Variants in SPAG16 observed in about 807,000 individuals in gnomAD.
SPAG16 encodes the protein sperm associated antigen 16, also known as sperm-associated antigen 16 protein.
Under a neutral mutation model 80.4 loss-of-function variants are expected in SPAG16, and 86 were observed. The ratio of observed to expected loss-of-function variants is 1.07; its 90% CI spans 0.90 to 1.28. The LOEUF is 1.28. Ranked by LOEUF, SPAG16 falls within the 50% of genes most tolerant of loss-of-function variation. SPAG16 has a pLI of 0.00. For missense variants in SPAG16, 870 were observed against 765.3 expected, an observed-to-expected ratio of 1.14 and a Z score of -1.61; for synonymous variants, 294 against 265.9, an observed-to-expected ratio of 1.11 and a Z score of -1.03.
chr2:214,090,953 G>T (rs780387900), intron 13 of SPAG16, among the ~76,000 whole-genome samples: 1 of 151,866 alleles, frequency 6.6e-6, no homozygotes, highest in African/African-American at 2.4e-5. Flanking sequence ...CCAAAATCTC[G>T]CCATACTGGA....
chr2:213,980,712 G>GTGTATATATATATATA lies in SPAG16; in HGVS notation c.1401-33238_1401-33237insGTATATATATATATAT, dbSNP rs1469351640. Among the ~76,000 whole-genome samples the GTGTATATATATATATA allele has an allele frequency of 1.1e-3, 128 of 113,890 alleles. 1 individual carries two copies. Among genetic ancestry groups the GTGTATATATATATATA allele is most frequent in the Non-Finnish European group, 1.8e-3 (104 of 58,904 alleles). 74.7% of individuals were successfully genotyped at this position (113,890 alleles called of 152,430 possible). On this transcript the variant is annotated intron_variant, in intron 12 of 15. Transcript: ENST00000331683. ...ATAGAATATATGTGTGTGTGTGTGT[G>GTGTATATATATATATA]TATATATATATATAGAGAGAGAGAG...
chr2:213,817,625 A>G (rs1028913570), intron 10 of SPAG16, among the ~76,000 whole-genome samples: 29 of 152,186 alleles, frequency 1.9e-4, no homozygotes, highest in Admixed American at 1.8e-3. Context: ...AATATGGTAC[A>G]TATATACCAT....
chr2:214,160,319 A>G (rs1293364063), intron 15 of SPAG16, among the ~76,000 whole-genome samples: 1 of 151,840 alleles, frequency 6.6e-6, no homozygotes. Flanking sequence ...GCCTTTCATA[A>G]TATTTGATTT....
intron 15 of SPAG16, among the ~76,000 whole-genome samples, chr2:214,333,654 T>G (rs569346143): frequency 2.0e-5 from 3 of 152,290 alleles, no homozygotes; most frequent in Admixed American, 2.0e-4. Context: ...AATCAGGAGA[T>G]AGATTTCCTG....
At chr2:214,001,120 G>T (rs987645635) in intron 12 of SPAG16, among the ~76,000 whole-genome samples, 119 of 152,276 alleles carry the variant, frequency 7.8e-4, no homozygotes, top group Non-Finnish European at 1.5e-3. Flanking sequence ...TTGATAGAAA[G>T]AAGTTTGAAT....
chr2:213,370,170 C>G (rs2066552992), intron 8 of SPAG16, among the ~76,000 whole-genome samples: 1 of 152,156 alleles, frequency 6.6e-6, no homozygotes, highest in Admixed American at 6.5e-5. Context: ...AGTAACACAA[C>G]AATACAAGCA....
At chr2:213,768,064 T>G (rs559363109) in intron 10 of SPAG16, among the ~76,000 whole-genome samples, 1 of 152,138 alleles carries the variant, frequency 6.6e-6, no homozygotes, top group South Asian at 2.1e-4. Context: ...ATCCCCAAAT[T>G]ATGTAAAGAA....
At chr2:213,937,753 CA>C (rs1191705611) in intron 12 of SPAG16, among the ~76,000 whole-genome samples, 2 of 151,970 alleles carry the variant, frequency 1.3e-5, no homozygotes, top group African/African-American at 2.4e-5. Flanking sequence ...TTTCATTTAG[CA>C]AGTTCTGTCA....
chr2:213,631,211 C>G lies in SPAG16; in HGVS notation c.1070+141121C>G, dbSNP rs1485266604. Among the ~76,000 whole-genome samples, 4 of 152,214 alleles carry G rather than the reference C, an allele frequency of 2.6e-5. No homozygotes were observed. The East Asian group carries it at 7.7e-4, about 29-fold the overall frequency. On this transcript the variant is annotated intron_variant, in intron 10 of 15. Transcript: ENST00000331683. ...GAGAAGTACCCCCCCAAAAAAAGAC[C>G]AATTTGAAAATGTTTTTAAGTGGCA...
At chr2:213,918,146 T>C (rs12612721) in intron 11 of SPAG16, among the ~76,000 whole-genome samples, 131,482 of 152,176 alleles carry the variant, frequency 0.86, 58,642 homozygotes, top group East Asian at 1. Context: ...ATTAGTTTTT[T>C]GATGTGCTGC....
At chr2:214,216,306 G>GTGATGA (rs145589763) in intron 15 of SPAG16, among the ~76,000 whole-genome samples, 138 of 151,764 alleles carry the variant, frequency 9.1e-4, no homozygotes, top group African/African-American at 2.2e-3. Flanking sequence ...GAAAAATGCT[G>GTGATGA]TGATGATGAT....
intron 9 of SPAG16, among the ~76,000 whole-genome samples, chr2:213,381,158 G>C (rs1365182709): frequency 6.6e-6 from 1 of 152,126 alleles, no homozygotes; most frequent in African/African-American, 2.4e-5. Flanking sequence ...CTGTTAGATG[G>C]TGTTTTGGGG....
chr2:213,903,952 C>A (rs773716422), intron 11 of SPAG16, among the ~76,000 whole-genome samples: 1 of 152,172 alleles, frequency 6.6e-6, no homozygotes, highest in Non-Finnish European at 1.5e-5. Flanking sequence ...TTTGCTAAAA[C>A]ATAACAAGAG....
intron 10 of SPAG16, among the ~76,000 whole-genome samples, chr2:213,501,311 GTAA>G (rs2074733524): frequency 6.6e-6 from 1 of 152,112 alleles, no homozygotes; most frequent in South Asian, 2.1e-4. Context: ...CCTTGCTTTA[GTAA>G]TAATATTGAA....
chr2:214,284,407 A>G (rs989270790), intron 15 of SPAG16, among the ~76,000 whole-genome samples: 5 of 152,168 alleles, frequency 3.3e-5, no homozygotes, highest in African/African-American at 1.2e-4. Flanking sequence ...CAATTTATAT[A>G]GTATTTCTCC....
chr2:213,367,205 G>A (rs1174119036), intron 8 of SPAG16, among the ~76,000 whole-genome samples: 1 of 149,742 alleles, frequency 6.7e-6, no homozygotes, highest in African/African-American at 2.5e-5. Flanking sequence ...CATTTGGGTT[G>A]GTTCCAAGTC....
intron 10 of SPAG16, among the ~76,000 whole-genome samples, chr2:213,800,238 T>G (rs914599969): frequency 6.6e-6 from 1 of 152,162 alleles, no homozygotes; most frequent in South Asian, 2.1e-4. Flanking sequence ...TTAAATGTTG[T>G]TAAATCATGC....
chr2:213,864,767 T>C (rs892346915), intron 11 of SPAG16, among the ~76,000 whole-genome samples: 6 of 152,174 alleles, frequency 3.9e-5, no homozygotes, highest in Admixed American at 3.3e-4. Flanking sequence ...AAATTTTGTT[T>C]GGGGGTCAAT....
chr2:213,991,984 A>G (rs999655250), intron 12 of SPAG16, among the ~76,000 whole-genome samples: 23 of 152,176 alleles, frequency 1.5e-4, no homozygotes, highest in African/African-American at 5.5e-4. Flanking sequence ...AGTCCTGCAT[A>G]ATGAAGACTT....
Sources: allele counts gnomAD v4.1 joint callset (sites outside exome capture counted in the v4.1 genomes callset), GRCh38; gene constraint gnomAD v4.1.1; transcripts MANE v1.5; gene names NCBI Gene and HGNC (gene_info 2026-07-23, HGNC 2026-07-21).